RP1: variants seen among roughly 807,000 people sequenced by gnomAD.
RP1 encodes oxygen-regulated protein 1.
A neutral mutation model predicts 14.8 loss-of-function variants in RP1; 16 were observed. The ratio of observed to expected loss-of-function variants is 1.08; its 90% CI spans 0.73 to 1.65. The LOEUF is 1.65. RP1 is among the 40% of genes most tolerant of loss of function. RP1 has a pLI of 0.00. For missense variants in RP1, 2,631 were observed against 2,535.0 expected, an observed-to-expected ratio of 1.04 and a Z score of -0.81; for synonymous variants, 876 against 883.6, an observed-to-expected ratio of 0.99 and a Z score of 0.15.
chr8:54,661,306 G>GATATATATATGAT (rs1554522269), intron 6 of RP1, among the ~76,000 whole-genome samples: 2 of 79,292 alleles, frequency 2.5e-5, no homozygotes, highest in Non-Finnish European at 4.5e-5. Context: ...ATATATATGA[G>GATATATATATGAT]ATATATATAT....
intron 1 of RP1, among the ~76,000 whole-genome samples, chr8:54,606,898 G>C (rs1033252278): frequency 6.6e-6 from 1 of 152,080 alleles, no homozygotes; most frequent in South Asian, 2.1e-4. Flanking sequence ...GCTCCATCAG[G>C]TCCTTTAAGG....
At chr8:54,645,744 T>C (rs117593154) in intron 3 of RP1, among the ~76,000 whole-genome samples, 2,633 of 152,282 alleles carry the variant, frequency 0.017, 34 homozygotes, top group Non-Finnish European at 0.027. Context: ...TTATATAGGA[T>C]TGATACCATT....
At chr8:54,863,109 A>G (rs550931541) in intron 27 of RP1, among the ~76,000 whole-genome samples, 1 of 139,584 alleles carries the variant, frequency 7.2e-6, no homozygotes, top group African/African-American at 2.6e-5. Flanking sequence ...ACCATGTTTC[A>G]GTTAACGTGG....
chr8:54,671,123 A>T lies in RP1; in HGVS notation c.1324-2727A>T, dbSNP rs145854097. ...TTGCCTGATGTAGAATTTTTGGTTG[A>T]GAGGTTTTTTTCTTTTAATATTTTG... is the stretch of plus-strand genomic sequence containing the variant. On this transcript the variant is annotated intron_variant, in intron 7 of 22. Coordinates refer to the RP1 transcript ENST00000636932. 4.3e-3 allele frequency among the ~76,000 whole-genome samples: 657 copies of T among 152,034 alleles called. 4 individuals carry two copies. The highest frequency in any genetic ancestry group is 0.015 in the African/African-American group (624 of 41,510).
chr8:54,854,964 T>A (rs899587554), intron 26 of RP1, among the ~76,000 whole-genome samples: 1 of 152,196 alleles, frequency 6.6e-6, no homozygotes, highest in Admixed American at 6.5e-5. Context: ...AGTATAATGG[T>A]TTAAGTACAT....
chr8:54,777,451 C>T (rs1810071791), intron 23 of RP1, among the ~76,000 whole-genome samples: 1 of 152,174 alleles, frequency 6.6e-6, no homozygotes, highest in South Asian at 2.1e-4. Flanking sequence ...TGGTTGTTTT[C>T]TGGACTTAAA....
chr8:54,658,144 A>T (rs1806795920), intron 6 of RP1, among the ~76,000 whole-genome samples: 1 of 152,250 alleles, frequency 6.6e-6, no homozygotes, highest in South Asian at 2.1e-4. Flanking sequence ...GATTTTAACT[A>T]CTTTAGATAC....
Position 54,628,160 on chromosome 8 carries a change from G to T in RP1, c.4278G>T (p.Arg1426Ser). The T allele has an allele frequency of 1.2e-6, 2 of 1,613,972 alleles. No homozygotes were observed. The highest frequency in any genetic ancestry group is 8.5e-7 in the Non-Finnish European group (1 of 1,179,906). Reference sequence around the variant, plus strand: ...ATGATTTTGAAAATTGTTCACTAAGGAAGTTTCAGGATGAAAATGCATATA... The same window carrying T: ...ATGATTTTGAAAATTGTTCACTAAGTAAGTTTCAGGATGAAAATGCATATA... ...SLDDFENCSL[R>S]KFQDENAYTS... Residue 1426 changes from arginine (R) to serine (S), a missense_variant, in exon 4 of 4, where the codon AGG becomes AGT. Coordinates refer to ENST00000220676, the MANE Select transcript of RP1 (RefSeq NM_006269.2).
At position 54,757,102 on chromosome 8, in the gene RP1, T is replaced by C. The variant is rs144901983; in HGVS notation, c.3093+1332T>C. On this transcript the variant is annotated intron_variant, in intron 21 of 22. Transcript: ENST00000636932. Reference sequence around the variant, plus strand: ...CATTTTCTGTTATTTTCCTCGGTGCTTGGGATATAATGGAAATGCCAAATA... The same window carrying C: ...CATTTTCTGTTATTTTCCTCGGTGCCTGGGATATAATGGAAATGCCAAATA... Among the ~76,000 whole-genome samples, 213 of 152,312 alleles carry C rather than the reference T, an allele frequency of 1.4e-3. 3 individuals are homozygous for C. In the East Asian group the frequency reaches 0.036, roughly 25 times the overall value.
intron 24 of RP1, among the ~76,000 whole-genome samples, chr8:54,828,982 C>T (rs1811457408): frequency 6.7e-6 from 1 of 150,136 alleles, no homozygotes; most frequent in South Asian, 2.1e-4. Context: ...ACCTCTGCCC[C>T]ACCAGGCTCA....
intron 18 of RP1, among the ~76,000 whole-genome samples, chr8:54,737,682 G>A (rs1185783800): frequency 2.6e-5 from 4 of 152,106 alleles, no homozygotes; most frequent in Non-Finnish European, 5.9e-5. Flanking sequence ...ACCTGGCATT[G>A]AAACAGGCCC....
At position 54,628,779 on chromosome 8, in the gene RP1, G is replaced by T. The variant is rs982929068; in HGVS notation, c.4897G>T (p.Glu1633Ter). 1 of 1,614,096 alleles carries T rather than the reference G, an allele frequency of 6.2e-7. No individual in the cohort carries two copies. The highest frequency in any genetic ancestry group is 8.5e-7 in the Non-Finnish European group (1 of 1,179,976). The change falls in exon 4 of 4, where the codon GAA becomes TAA. Residue 1633 changes from glutamate to a stop codon, truncating the protein, a stop_gained. Transcript: ENST00000220676. LOFTEE classifies it low-confidence loss of function (END_TRUNC). ...CATAGGATTTGTTAAAAGGGCAATA[G>T]AAAAACTGTACGGTAAAGCAGATAT... ...YNIGFVKRAI[E>*]KLYGKADIIK...
intron 24 of RP1, among the ~76,000 whole-genome samples, chr8:54,818,852 A>G (rs1412291691): frequency 6.6e-6 from 1 of 152,210 alleles, no homozygotes; most frequent in East Asian, 1.9e-4. Flanking sequence ...AAACAAGGAA[A>G]TCAGCAATGA....
chr8:54,627,015 T>C lies in RP1; in HGVS notation c.3133T>C (p.Ser1045Pro), dbSNP rs769937580. 2.5e-6 allele frequency: 4 copies of C among 1,613,838 alleles called. No homozygotes were observed. The South Asian group carries it at 4.4e-5, about 18-fold the overall frequency. Residue 1045 changes from serine (S) to proline (P), a missense_variant, in exon 4 of 4, where the codon TCA becomes CCA. Physicochemically the swap from Ser to Pro is moderately conservative, Grantham distance 74. Transcript: ENST00000220676. ...NTKSHIAAEK[S>P]GPEKKLVYQE... Reference sequence around the variant, plus strand: ...TAAAAGTCATATAGCTGCTGAAAAATCAGGACCAGAGAAAAAACTTGTTTA... The same window carrying C: ...TAAAAGTCATATAGCTGCTGAAAAACCAGGACCAGAGAAAAAACTTGTTTA...
At chr8:54,837,640 T>C in exon 25 of RP1, 1 of 1,231,936 alleles carries the variant, frequency 8.1e-7, no homozygotes, top group Non-Finnish European at 1.0e-6. Flanking sequence ...GAAATACCCA[T>C]CATGGGACCA....
At chr8:54,645,758 T>A (rs887691634) in intron 3 of RP1, among the ~76,000 whole-genome samples, 2 of 152,192 alleles carry the variant, frequency 1.3e-5, no homozygotes, top group African/African-American at 4.8e-5. Flanking sequence ...TACCATTTTT[T>A]AGAATAGTTT....
At chr8:54,805,252 T>C (rs1274264108) in intron 24 of RP1, among the ~76,000 whole-genome samples, 1 of 152,252 alleles carries the variant, frequency 6.6e-6, no homozygotes, top group African/African-American at 2.4e-5. Context: ...AATATGCTTA[T>C]TTGCTAGTTA....
In RP1 at chr8:54,644,025, T is replaced by G. The variant is rs556673382; in HGVS notation, c.788-4960T>G. ...TTATAATTTCACAAAGTCCCAAATC[T>G]CATTTTATATATTATCAAAATAAAA... On this transcript the variant is annotated intron_variant, in intron 3 of 22. Coordinates refer to the RP1 transcript ENST00000636932. Among the ~76,000 whole-genome samples, 6 of 152,320 alleles carry G rather than the reference T, an allele frequency of 3.9e-5. No homozygotes were observed. In the South Asian group the frequency reaches 1.2e-3, roughly 32 times the overall value.
Position 54,794,126 on chromosome 8 carries a change from T to G in RP1, c.3615+10416T>G, listed in dbSNP as rs116166082. Among the ~76,000 whole-genome samples the G allele has an allele frequency of 5.9e-3, 889 of 151,918 alleles. 6 individuals are homozygous for G. The highest frequency in any genetic ancestry group is 0.018 in the African/African-American group (760 of 41,514). On this transcript the variant is annotated intron_variant, in intron 24 of 28. Coordinates refer to the RP1 transcript ENST00000637698. ...CAGAAAAATTAATATTATTAAAATATACATATTACCCAAAGCAATTTACAG... is the reference window on the plus strand; with the variant it reads ...CAGAAAAATTAATATTATTAAAATAGACATATTACCCAAAGCAATTTACAG...
Sources: allele counts gnomAD v4.1 joint callset (sites outside exome capture counted in the v4.1 genomes callset), GRCh38; gene constraint gnomAD v4.1.1; transcripts MANE v1.5; gene names NCBI Gene and HGNC (gene_info 2026-07-23, HGNC 2026-07-21).